The following HIVEP1 variants were observed in gnomAD, a reference collection of about 807,000 sequenced individuals.
HIVEP1 encodes zinc finger protein 40.
In HIVEP1, 36 loss-of-function variants were observed where a neutral mutation model predicts 180.0. The observed-to-expected ratio is 0.20, with a 90% confidence interval of 0.15 to 0.26. The LOEUF (loss-of-function observed/expected upper bound fraction) is 0.26. HIVEP1 is among the 10% of genes least tolerant of loss of function. HIVEP1 has a pLI of 1.00. For synonymous variants in HIVEP1, 1,239 were observed against 1,239.0 expected, an observed-to-expected ratio of 1.00 and a Z score of 0.00; for missense variants, 3,143 against 3,268.7, an observed-to-expected ratio of 0.96 and a Z score of 0.94.
At chr6:12,178,786 A>C in the HIVEP1 span, among the ~76,000 whole-genome samples, 1 of 152,192 alleles carries the variant, frequency 6.6e-6, no homozygotes, top group African/African-American at 2.4e-5. Flanking sequence ...GGGGACATGA[A>C]CGAAAAAATT....
At chr6:12,024,837 C>T (rs1335902505) in intron 2 of HIVEP1, among the ~76,000 whole-genome samples, 1 of 152,192 alleles carries the variant, frequency 6.6e-6, no homozygotes, top group African/African-American at 2.4e-5. Flanking sequence ...TCTTGTGCGC[C>T]TCTCTGAGAG....
chr6:12,092,602 A>C (rs1342268492), intron 3 of HIVEP1, among the ~76,000 whole-genome samples: 1 of 152,094 alleles, frequency 6.6e-6, no homozygotes. Context: ...TGTTTTCCAG[A>C]GTTTTTTTTG....
intron 2 of HIVEP1, 89 bp downstream of exon 2, chr6:12,015,757 T>C (rs941926963): frequency 8.5e-7 from 1 of 1,169,626 alleles, no homozygotes; most frequent in African/African-American, 1.5e-5. Flanking sequence ...GTTTGTTAGA[T>C]GTTGACCCTG....
At chr6:12,201,407 G>A in the HIVEP1 span, among the ~76,000 whole-genome samples, 1 of 152,206 alleles carries the variant, frequency 6.6e-6, no homozygotes, top group South Asian at 2.1e-4. Flanking sequence ...AGCCTGGGAG[G>A]TGGAGGCTGC....
chr6:12,095,234 C>A (rs1301633513), intron 3 of HIVEP1, among the ~76,000 whole-genome samples: 1 of 151,768 alleles, frequency 6.6e-6, no homozygotes, highest in East Asian at 1.9e-4. Context: ...CTTGCCTCAT[C>A]CTTTTTAGTT....
the HIVEP1 span, among the ~76,000 whole-genome samples, chr6:12,203,101 A>C: frequency 6.6e-6 from 1 of 152,228 alleles, no homozygotes; most frequent in Non-Finnish European, 1.5e-5. Context: ...GTTGGACTCT[A>C]AACTATGTTA....
chr6:12,184,607 T>A, the HIVEP1 span, among the ~76,000 whole-genome samples: 4 of 152,316 alleles, frequency 2.6e-5, no homozygotes, highest in Non-Finnish European at 5.9e-5. Context: ...TTCCCTTTCA[T>A]TTGCCTCTTA....
intron 2 of HIVEP1, among the ~76,000 whole-genome samples, chr6:12,041,266 A>G (rs1320704107): frequency 6.6e-6 from 1 of 151,958 alleles, no homozygotes; most frequent in Non-Finnish European, 1.5e-5. Context: ...CTAAAAATTC[A>G]AAAACACTAG....
chr6:12,183,946 C>A, the HIVEP1 span, among the ~76,000 whole-genome samples: 1 of 150,840 alleles, frequency 6.6e-6, no homozygotes, highest in African/African-American at 2.5e-5. Context: ...GCTACAGTGG[C>A]AGGGATTCCA....
upstream of HIVEP1, among the ~76,000 whole-genome samples, chr6:12,011,281 CCCCG>C (rs1767276977): frequency 9.4e-6 from 1 of 105,994 alleles, no homozygotes; most frequent in Non-Finnish European, 2.0e-5. Flanking sequence ...CCCCCCCCCC[CCCCG>C]CCTCCCCCTC....
At chr6:12,100,088 T>C (rs1011291095) in intron 3 of HIVEP1, among the ~76,000 whole-genome samples, 3 of 152,230 alleles carry the variant, frequency 2.0e-5, no homozygotes, top group Admixed American at 6.5e-5. Flanking sequence ...GTTGTGATAG[T>C]GTGAAGAACT....
At chr6:12,155,713 A>G (rs969860584) in intron 7 of HIVEP1, among the ~76,000 whole-genome samples, 4 of 152,012 alleles carry the variant, frequency 2.6e-5, no homozygotes, top group African/African-American at 9.7e-5. Context: ...GAACATATGC[A>G]TGCATGTTAT....
chr6:12,154,130 T>C (rs774131127), intron 7 of HIVEP1, among the ~76,000 whole-genome samples: 1 of 152,174 alleles, frequency 6.6e-6, no homozygotes, highest in Non-Finnish European at 1.5e-5. Flanking sequence ...AAGATATGAA[T>C]CCATACTGAT....
chr6:12,079,402 G>A (rs893911401), intron 2 of HIVEP1, among the ~76,000 whole-genome samples: 11 of 152,078 alleles, frequency 7.2e-5, no homozygotes, highest in Admixed American at 2.6e-4. Context: ...GATTTTAGAG[G>A]TATAATTTAA....
At chr6:12,162,379 C>T (rs1298914178) in intron 8 of HIVEP1, among the ~76,000 whole-genome samples, 1 of 152,196 alleles carries the variant, frequency 6.6e-6, no homozygotes, top group Non-Finnish European at 1.5e-5. Flanking sequence ...GGCAAGACAG[C>T]TACCAGTTTC....
Position 12,071,082 on chromosome 6 carries a change from T to A in HIVEP1, c.41-18102T>A, listed in dbSNP as rs115602162. 3.2e-3 allele frequency among the ~76,000 whole-genome samples: 495 copies of A among 152,354 alleles called. 2 individuals are homozygous for A. The highest frequency in any genetic ancestry group is 0.011 in the African/African-American group (470 of 41,588). ...TCTGTTCCAGCATTCTTTTGAAGCATCTCTCTTGGAATAAGCCCCCACCCC... is the reference window on the plus strand; with the variant it reads ...TCTGTTCCAGCATTCTTTTGAAGCAACTCTCTTGGAATAAGCCCCCACCCC... On this transcript the variant is annotated intron_variant, in intron 2 of 8. Coordinates refer to ENST00000379388, the MANE Select transcript of HIVEP1 (RefSeq NM_002114.4).
chr6:12,033,540 A>G (rs532173036), intron 2 of HIVEP1, among the ~76,000 whole-genome samples: 10 of 152,296 alleles, frequency 6.6e-5, no homozygotes, highest in Admixed American at 3.3e-4. Context: ...CTCTTCTGTG[A>G]TATTTAAGTT....
At chr6:12,097,314 C>T (rs1376927922) in intron 3 of HIVEP1, among the ~76,000 whole-genome samples, 2 of 134,060 alleles carry the variant, frequency 1.5e-5, no homozygotes, top group Non-Finnish European at 3.3e-5. Flanking sequence ...GTGCACCAGC[C>T]ATTTTTTTTT....
In HIVEP1 at chr6:12,124,631, G is replaced by T. The variant is rs746351918; in HGVS notation, c.4836G>T (p.Ser1612=). 7 of 1,614,070 alleles carry T rather than the reference G, an allele frequency of 4.3e-6. No homozygotes were observed. The highest frequency in any genetic ancestry group is 2.2e-5 in the South Asian group (2 of 91,078). Residue 1612 remains serine (S), a synonymous_variant, in exon 4 of 9, where the codon TCG becomes TCT. Coordinates refer to ENST00000379388, the MANE Select transcript of HIVEP1 (RefSeq NM_002114.4). The stretch of plus-strand genomic sequence containing the variant: ...AATTAATTGACAGCATGTCTAATTC[G>T]CATCCTCTGCTACCACCAGAGCTCA... ...PTKLIDSMSN[S]HPLLPPELRP...
Sources: allele counts gnomAD v4.1 joint callset (sites outside exome capture counted in the v4.1 genomes callset), GRCh38; gene constraint gnomAD v4.1.1; transcripts MANE v1.5; gene names NCBI Gene and HGNC (gene_info 2026-07-23, HGNC 2026-07-21).